LHFPL2: variants seen among roughly 807,000 people sequenced by gnomAD.
The protein encoded by LHFPL2 is LHFPL tetraspan subfamily member 2 protein.
A neutral mutation model predicts 17.5 loss-of-function variants in LHFPL2; 7 were observed. The ratio of observed to expected loss-of-function variants is 0.40; its 90% CI spans 0.23 to 0.75. The LOEUF is 0.75. Ranked by LOEUF, LHFPL2 falls within the 30% of genes least tolerant of loss-of-function variation. LHFPL2 has a pLI of 0.37. For synonymous variants in LHFPL2, 134 were observed against 116.2 expected (o/e 1.15, Z -0.99); for missense variants, 241 against 294.8 (o/e 0.82, Z 1.34).
intron 3 of LHFPL2, among the ~76,000 whole-genome samples, chr5:78,524,050 C>G (rs1029831016): frequency 3.9e-5 from 6 of 152,270 alleles, no homozygotes; most frequent in African/African-American, 1.4e-4. Flanking sequence ...ACTGGGAACA[C>G]TCGGTTTTGC....
chr5:78,509,332 G>A (rs548469783), intron 4 of LHFPL2, among the ~76,000 whole-genome samples: 12 of 152,296 alleles, frequency 7.9e-5, no homozygotes, highest in African/African-American at 2.4e-4. Flanking sequence ...GAGTGGATGC[G>A]GAAAGCAGGC....
rs911804925 is a variant in LHFPL2, at chr5:78,488,686, C to T, written c.*211G>A. The T allele has an allele frequency of 1.7e-6, 1 of 586,938 alleles. No individual in the cohort carries two copies. Among genetic ancestry groups the T allele is most frequent in the African/African-American group, 1.9e-5 (1 of 53,542 alleles). 36.4% of individuals were successfully genotyped at this position (586,938 alleles called of 1,614,324 possible). A position where few individuals can be genotyped will look rare whatever the true frequency, so the allele number is the denominator to read the frequency against. ...CAGGTCTAGGATTATATACTATTTT[C>T]ATGTTCCATTCCTTATAATGTGCAC... On this transcript the variant is annotated 3_prime_UTR_variant, in exon 5 of 5. Coordinates refer to ENST00000380345, the MANE Select transcript of LHFPL2 (RefSeq NM_005779.3).
At chr5:78,594,056 T>C (rs1308488429) in intron 2 of LHFPL2, among the ~76,000 whole-genome samples, 3 of 152,360 alleles carry the variant, frequency 2.0e-5, no homozygotes, top group South Asian at 4.1e-4. Context: ...TACTATTTTA[T>C]GCACTGACAG....
At chr5:78,493,816 C>T (rs1399655860) in intron 4 of LHFPL2, among the ~76,000 whole-genome samples, 1 of 152,134 alleles carries the variant, frequency 6.6e-6, no homozygotes, top group Non-Finnish European at 1.5e-5. Context: ...CAATTAAAAT[C>T]AATAACTTCT....
chr5:78,526,712 C>A (rs1030111690), intron 3 of LHFPL2, among the ~76,000 whole-genome samples: 4 of 152,132 alleles, frequency 2.6e-5, no homozygotes, highest in African/African-American at 9.7e-5. Flanking sequence ...CCAGTGGAGG[C>A]GAGTGATTTT....
rs1035949 is a variant in LHFPL2, at chr5:78,490,024, G to A, written c.431-871C>T. Among the ~76,000 whole-genome samples the A allele has an allele frequency of 2.0e-3, 306 of 152,338 alleles. 2 individuals are homozygous for A. The highest frequency in any genetic ancestry group is 7.0e-3 in the African/African-American group (293 of 41,584). On this transcript the variant is annotated intron_variant, in intron 4 of 4. Transcript: ENST00000380345. ...CTTTACCTGATTGTTAGTGCTTTAAGTAAGCCAGATGTTTCTGTATTTATA... is the reference window on the plus strand; with the variant it reads ...CTTTACCTGATTGTTAGTGCTTTAAATAAGCCAGATGTTTCTGTATTTATA...
chr5:78,507,941 TACACACACACACACAC>T (rs10562386), intron 4 of LHFPL2, among the ~76,000 whole-genome samples: 1 of 148,458 alleles, frequency 6.7e-6, no homozygotes, highest in African/African-American at 2.5e-5. Flanking sequence ...TACACATGCA[TACACACACACACACAC>T]ACACACACAC....
In LHFPL2 at chr5:78,485,671, T is replaced by A. The variant is rs190704389; in HGVS notation, c.*3226A>T. ...TGAGATTAGCCCTTAAATACTGGTC[T>A]AGCATTAGCATGGTCTATAAAAGCA... On this transcript the variant is annotated 3_prime_UTR_variant, in exon 5 of 5. Coordinates refer to ENST00000380345, the MANE Select transcript of LHFPL2 (RefSeq NM_005779.3). 6.5e-6 allele frequency: 1 copy of A among 152,760 alleles called. No homozygotes were observed. The highest frequency in any genetic ancestry group is 1.9e-4 in the East Asian group (1 of 5,190). 9.5% of individuals were successfully genotyped at this position (152,760 alleles called of 1,614,324 possible).
At chr5:78,534,906 C>T (rs966240470) in intron 3 of LHFPL2, among the ~76,000 whole-genome samples, 2 of 152,154 alleles carry the variant, frequency 1.3e-5, no homozygotes, top group African/African-American at 2.4e-5. Flanking sequence ...GTCACACGGC[C>T]GCCTCAACTT....
intron 2 of LHFPL2, among the ~76,000 whole-genome samples, chr5:78,622,659 ACC>A: frequency 6.6e-6 from 1 of 152,330 alleles, no homozygotes; most frequent in African/African-American, 2.4e-5. Flanking sequence ...CCTCCAAGGA[ACC>A]TGACAAGTCT....
At chr5:78,620,218 T>C in intron 2 of LHFPL2, among the ~76,000 whole-genome samples, 2 of 148,362 alleles carry the variant, frequency 1.3e-5, no homozygotes, top group South Asian at 4.4e-4. Flanking sequence ...TGAGATGGTA[T>C]CTCATTGTGG....
chr5:78,537,416 A>G (rs1289403640), intron 3 of LHFPL2, among the ~76,000 whole-genome samples: 4 of 152,214 alleles, frequency 2.6e-5, no homozygotes, highest in Non-Finnish European at 5.9e-5. Flanking sequence ...TTAGGTGTCA[A>G]TTGCCAGCCC....
intron 4 of LHFPL2, among the ~76,000 whole-genome samples, chr5:78,496,937 T>C (rs1754626231): frequency 6.6e-6 from 1 of 152,204 alleles, no homozygotes; most frequent in Non-Finnish European, 1.5e-5. Flanking sequence ...CTTTAAGTAC[T>C]ACCCCAAGCT....
chr5:78,590,250 T>A (rs899704889), intron 2 of LHFPL2: 2 of 151,850 alleles, frequency 1.3e-5, no homozygotes, highest in Admixed American at 1.3e-4. Context: ...GTTAGAGGTA[T>A]GTTGTAATGA....
chr5:78,505,182 G>A (rs781339576), intron 4 of LHFPL2, among the ~76,000 whole-genome samples: 16 of 152,178 alleles, frequency 1.1e-4, no homozygotes, highest in African/African-American at 3.6e-4. Flanking sequence ...GCATTCTATG[G>A]TTTCACGATG....
At chr5:78,599,190 GT>G (rs1398028734) in intron 2 of LHFPL2, among the ~76,000 whole-genome samples, 1 of 152,126 alleles carries the variant, frequency 6.6e-6, no homozygotes, top group East Asian at 1.9e-4. Context: ...TATGGATAAA[GT>G]TTTATTTTCT....
chr5:78,545,957 C>A (rs1207136718), intron 3 of LHFPL2, among the ~76,000 whole-genome samples: 1 of 152,186 alleles, frequency 6.6e-6, no homozygotes, highest in African/African-American at 2.4e-5. Flanking sequence ...AATGAAGAAA[C>A]TAAGATACAA....
chr5:78,488,942 T>G lies in LHFPL2; in HGVS notation c.642A>C (p.Val214=), dbSNP rs752109906. 1 of 1,614,162 alleles carries G rather than the reference T, an allele frequency of 6.2e-7. No homozygotes were observed. The highest frequency in any genetic ancestry group is 1.7e-5 in the Admixed American group (1 of 60,024). ...QAEIATSSDK[V]QEEIEEGKNL... ...TTTTCCCCTCTTCAATTTCTTCCTGTACTTTGTCACTAGAGGTTGCAATTT... is the reference window on the plus strand; with the variant it reads ...TTTTCCCCTCTTCAATTTCTTCCTGGACTTTGTCACTAGAGGTTGCAATTT... The change falls in exon 5 of 5, where the codon GTA becomes GTC. Residue 214 remains valine, a synonymous_variant. Transcript: ENST00000380345.
At chr5:78,564,752 C>T (rs776676276) in intron 3 of LHFPL2, 61 bp downstream of exon 3, 5 of 152,142 alleles carry the variant, frequency 3.3e-5, no homozygotes, top group East Asian at 1.9e-4. Context: ...AGTTGCCATT[C>T]GCTGGAAAAT....
Sources: gnomAD v4.1 joint callset for allele counts (sites outside exome capture counted in the v4.1 genomes callset) on GRCh38, gnomAD v4.1.1 for gene constraint, MANE v1.5 for transcripts, NCBI Gene and HGNC (gene_info 2026-07-23, HGNC 2026-07-21) for gene names.